SPAST: variants seen among roughly 807,000 people sequenced by gnomAD.
SPAST encodes spastic paraplegia 4 (autosomal dominant; spastin).
A neutral mutation model predicts 76.6 loss-of-function variants in SPAST; 30 were observed. The observed-to-expected ratio is 0.39, with a 90% CI of 0.29 to 0.53. The LOEUF (loss-of-function observed/expected upper bound fraction) is 0.53, where lower values mean the gene tolerates loss of function less well. SPAST is among the 20% of genes least tolerant of loss of function. The pLI, the probability that SPAST is intolerant of heterozygous loss-of-function variation, is 0.68. For missense variants in SPAST, 717 were observed against 770.5 expected (o/e 0.93, Z 0.82); for synonymous variants, 305 against 281.0 (o/e 1.09, Z -0.86).
At chr2:32,080,278 T>C (rs1677166741) in intron 1 of SPAST, among the ~76,000 whole-genome samples, 1 of 152,224 alleles carries the variant, frequency 6.6e-6, no homozygotes. Flanking sequence ...GGGTTGTTTT[T>C]ATGTTTATCA....
chr2:32,117,651 C>T (rs1678886986), intron 7 of SPAST, among the ~76,000 whole-genome samples: 1 of 150,664 alleles, frequency 6.6e-6, no homozygotes, highest in Admixed American at 6.7e-5. Context: ...CATGCCTCAT[C>T]CTCCTGAGTA....
chr2:32,100,323 T>C (rs1006428274), intron 4 of SPAST, among the ~76,000 whole-genome samples: 4 of 149,806 alleles, frequency 2.7e-5, no homozygotes, highest in Admixed American at 6.7e-5. Context: ...TTGGTTACTT[T>C]TTTTTTTTTT....
intron 8 of SPAST, chr2:32,127,652 T>C (rs1030951552): frequency 6.6e-6 from 1 of 151,308 alleles, no homozygotes; most frequent in African/African-American, 2.4e-5. Context: ...CAGTATGTTA[T>C]AGCTTTTTTT....
At chr2:32,124,325 TGCCATCCCTATTA>T in intron 7 of SPAST, among the ~76,000 whole-genome samples, 1 of 152,280 alleles carries the variant, frequency 6.6e-6, no homozygotes, top group East Asian at 1.9e-4. Context: ...CAAGATACCC[TGCCATCCCTATTA>T]GAATGGCTGA....
intron 1 of SPAST, among the ~76,000 whole-genome samples, chr2:32,071,967 A>G (rs972284250): frequency 1.3e-5 from 2 of 152,236 alleles, no homozygotes; most frequent in Non-Finnish European, 2.9e-5. Context: ...TTTCCCCACA[A>G]GAGAAAGCTT....
chr2:32,113,381 G>C (rs1357711437), intron 4 of SPAST, among the ~76,000 whole-genome samples: 1 of 151,476 alleles, frequency 6.6e-6, no homozygotes, highest in South Asian at 2.1e-4. Context: ...TACTGCACCC[G>C]GCCTAAAATT....
At chr2:32,132,382 G>C (rs1349196924) in intron 9 of SPAST, among the ~76,000 whole-genome samples, 1 of 152,042 alleles carries the variant, frequency 6.6e-6, no homozygotes, top group Non-Finnish European at 1.5e-5. Flanking sequence ...GGCAGAGTGA[G>C]ATCCCATCTC....
intron 4 of SPAST, among the ~76,000 whole-genome samples, chr2:32,108,520 ATTTAT>A (rs1301069251): frequency 6.6e-6 from 1 of 151,822 alleles, no homozygotes; most frequent in Non-Finnish European, 1.5e-5. Context: ...TTATTTATAT[ATTTAT>A]TTTTTTTTGA....
chr2:32,115,288 CT>C (rs956979163), intron 5 of SPAST, among the ~76,000 whole-genome samples: 1 of 152,018 alleles, frequency 6.6e-6, no homozygotes, highest in African/African-American at 2.4e-5. Context: ...TGCTATAAAA[CT>C]TTTTTTGGAC....
intron 12 of SPAST, among the ~76,000 whole-genome samples, chr2:32,137,662 G>C (rs1679582611): frequency 3.3e-5 from 5 of 152,170 alleles, no homozygotes; most frequent in Admixed American, 3.3e-4. Context: ...GGCTGTAGTA[G>C]TGTAAAAGTC....
At chr2:32,138,503 C>T (rs1232734851) in intron 12 of SPAST, among the ~76,000 whole-genome samples, 1 of 151,978 alleles carries the variant, frequency 6.6e-6, no homozygotes, top group African/African-American at 2.4e-5. Context: ...CTATTCATTT[C>T]CTTTTTACCC....
chr2:32,085,235 C>CT (rs1677427315), intron 1 of SPAST, among the ~76,000 whole-genome samples: 2 of 97,276 alleles, frequency 2.1e-5, no homozygotes, highest in Non-Finnish European at 3.9e-5. Context: ...GAGTCAGGGT[C>CT]TTGCTCTTTT....
rs192823789 is a variant in SPAST at position 32,152,031 on chromosome 2, T to G, written c.1729-2343T>G. ...TAGTACTAAAATTGTTGGTTATAAA[T>G]TGGGGTACAATATACTTTGTTTTTT... On this transcript the variant is annotated intron_variant, in intron 16 of 16. Coordinates refer to ENST00000315285, the MANE Select transcript of SPAST (RefSeq NM_014946.4). 9.9e-4 allele frequency among the ~76,000 whole-genome samples: 151 copies of G among 152,308 alleles called. 1 individual carries two copies. The highest frequency in any genetic ancestry group is 3.6e-3 in the African/African-American group (149 of 41,574).
intron 16 of SPAST, among the ~76,000 whole-genome samples, chr2:32,147,525 C>T (rs568205533): frequency 6.6e-6 from 1 of 152,082 alleles, no homozygotes; most frequent in South Asian, 2.1e-4. Context: ...CCATGTTGGC[C>T]AGTCTGGCCT....
chr2:32,071,886 T>G (rs764818793), intron 1 of SPAST, among the ~76,000 whole-genome samples: 24 of 152,146 alleles, frequency 1.6e-4, no homozygotes, highest in Non-Finnish European at 2.6e-4. Flanking sequence ...GGTGGCAGAC[T>G]CTTAAGTTAA....
rs1678514009 is a variant in SPAST at position 32,110,499 on chromosome 2, A to AGTATATATATACTATATAGTGT, written c.683-4130_683-4129insTACTATATAGTGTGTATATATA. ...TATATGTATATGTAACTATATATAT[A>AGTATATATATACTATATAGTGT]GTATATATAGTATATATATACTATA... On this transcript the variant is annotated intron_variant, in intron 4 of 16. Transcript: ENST00000315285. Among the ~76,000 whole-genome samples the AGTATATATATACTATATAGTGT allele has an allele frequency of 3.3e-5, 4 of 121,744 alleles. No individual in the cohort carries two copies. In the South Asian group the frequency reaches 7.4e-4, roughly 23 times the overall value. The allele number at this position is 121,744 out of a possible 152,430, so 79.9% of individuals were successfully genotyped here. A position where few individuals can be genotyped will look rare whatever the true frequency, so the allele number is the denominator to read the frequency against.
intron 1 of SPAST, among the ~76,000 whole-genome samples, chr2:32,082,095 C>T (rs1033141265): frequency 4.8e-5 from 7 of 144,854 alleles, no homozygotes; most frequent in Admixed American, 4.3e-4. Context: ...GTTCAAGCAG[C>T]GATTCTCCTG....
In SPAST at chr2:32,064,289, A is replaced by G. The variant is rs1304131292; in HGVS notation, c.415+43A>G. 1.5e-3 allele frequency: 472 copies of G among 307,350 alleles called. No individual in the cohort carries two copies. The East Asian group carries it at 0.016, about 11-fold the overall frequency. The allele number at this position is 307,350 out of a possible 1,614,324, so 19.0% of individuals were successfully genotyped here. A position where few individuals can be genotyped will look rare whatever the true frequency, so the allele number is the denominator to read the frequency against. Reference sequence around the variant, plus strand: ...GGAGGGGGCGGCGGCGCCGGGAAGAAGGCGGTGGGGTCGCCGGGGGAGGGC... The same window carrying G: ...GGAGGGGGCGGCGGCGCCGGGAAGAGGGCGGTGGGGTCGCCGGGGGAGGGC... On this transcript the variant is annotated intron_variant, in intron 1 of 16. Coordinates refer to ENST00000315285, the MANE Select transcript of SPAST (RefSeq NM_014946.4).
intron 15 of SPAST, 66 bp downstream of exon 15, chr2:32,145,073 C>A: frequency 1.7e-6 from 2 of 1,201,708 alleles, no homozygotes; most frequent in South Asian, 2.6e-5. Flanking sequence ...TTTAAGAAGT[C>A]CAAAAAAATC....
Sources: allele counts gnomAD v4.1 joint callset (sites outside exome capture counted in the v4.1 genomes callset), GRCh38; gene constraint gnomAD v4.1.1; transcripts MANE v1.5; gene names NCBI Gene and HGNC (gene_info 2026-07-23, HGNC 2026-07-21).